The following ITPR2 variants were observed in gnomAD, a reference collection of about 807,000 sequenced individuals.
The protein encoded by ITPR2 is inositol 1,4,5-trisphosphate receptor type 2, also known as inositol 1,4,5-trisphosphate-gated calcium channel ITPR2.
Under a neutral mutation model 317.1 loss-of-function variants are expected in ITPR2, and 207 were observed. The ratio of observed to expected loss-of-function variants is 0.65; its 90% CI spans 0.58 to 0.73. The LOEUF (loss-of-function observed/expected upper bound fraction) is 0.73. ITPR2 is among the 30% of genes least tolerant of loss of function. The pLI, the probability that ITPR2 is intolerant of heterozygous loss-of-function variation, is 0.00. For synonymous variants in ITPR2, 1,156 were observed against 1,149.1 expected, an observed-to-expected ratio of 1.01 and a Z score of -0.12; for missense variants, 2,613 against 3,284.0, an observed-to-expected ratio of 0.80 and a Z score of 4.99.
intron 52 of ITPR2, chr12:26,406,667 G>C (rs1940364389): frequency 6.6e-6 from 1 of 151,986 alleles, no homozygotes; most frequent in Non-Finnish European, 1.5e-5. Context: ...ATGCACACTA[G>C]GGTTTGCAAG....
chr12:26,678,596 A>C (rs1260927329), intron 13 of ITPR2, among the ~76,000 whole-genome samples: 1 of 152,204 alleles, frequency 6.6e-6, no homozygotes, highest in East Asian at 1.9e-4. Context: ...AATAAGCTCT[A>C]CCTTACTGAC....
chr12:26,795,463 A>G (rs1009358107), intron 1 of ITPR2, among the ~76,000 whole-genome samples: 10 of 151,972 alleles, frequency 6.6e-5, no homozygotes, highest in African/African-American at 2.4e-4. Context: ...GACAATATAG[A>G]CAATATAAAG....
At chr12:26,800,596 T>C (rs1167461073) in intron 1 of ITPR2, among the ~76,000 whole-genome samples, 1 of 152,102 alleles carries the variant, frequency 6.6e-6, no homozygotes, top group Non-Finnish European at 1.5e-5. Context: ...GACCCTATCA[T>C]TTTAAAAAAT....
chr12:26,669,656 G>C (rs918257098), intron 13 of ITPR2, among the ~76,000 whole-genome samples: 3 of 152,228 alleles, frequency 2.0e-5, no homozygotes, highest in African/African-American at 7.2e-5. Context: ...TCCATCTGAG[G>C]TACCGGGTTC....
Position 26,539,965 on chromosome 12 carries a change from T to A in ITPR2, c.5073+10282A>T, listed in dbSNP as rs79905752. Reference sequence around the variant, plus strand: ...TGTCAATCTGTCCCTCTGCAAACATTTATTGAGTAGCAACTAAGTGCAGGG... The same window carrying A: ...TGTCAATCTGTCCCTCTGCAAACATATATTGAGTAGCAACTAAGTGCAGGG... On this transcript the variant is annotated intron_variant, in intron 37 of 56. Coordinates refer to ENST00000381340, the MANE Select transcript of ITPR2 (RefSeq NM_002223.4). Among the ~76,000 whole-genome samples the A allele has an allele frequency of 5.5e-3, 839 of 152,338 alleles. 9 individuals carry two copies. The highest frequency in any genetic ancestry group is 0.019 in the African/African-American group (798 of 41,580).
In ITPR2 at chr12:26,415,300, T is replaced by C. The variant is rs1268533212; in HGVS notation, c.7306+3A>G. On this transcript the variant is annotated splice_donor_region_variant and intron_variant, in intron 51 of 56. Transcript: ENST00000381340. ...AAACCTCATTTAGTGGTAATAGCAA[T>C]ACCTGTAACAGGAGTTCGGTTTTTC... is the stretch of plus-strand genomic sequence containing the variant. 3 of 1,592,568 alleles carry C rather than the reference T, an allele frequency of 1.9e-6. No individual in the cohort carries two copies. The highest frequency in any genetic ancestry group is 4.5e-5 in the East Asian group (2 of 44,348).
chr12:26,535,900 G>A (rs970730509), intron 37 of ITPR2, among the ~76,000 whole-genome samples: 1 of 152,188 alleles, frequency 6.6e-6, no homozygotes, highest in African/African-American at 2.4e-5. Context: ...AGATTTCAAA[G>A]ATTAATATTT....
At chr12:26,655,996 G>T in intron 19 of ITPR2, 144 bp from the exon 20 acceptor site, 1 of 815,214 alleles carries the variant, frequency 1.2e-6, no homozygotes, top group Non-Finnish European at 1.9e-6. Context: ...GTAAAATGGG[G>T]CTATTGTGAA....
Position 26,665,959 on chromosome 12 carries a change from G to A in ITPR2, c.1502C>T (p.Pro501Leu). The A allele has an allele frequency of 6.2e-7, 1 of 1,613,690 alleles. No homozygotes were observed. Among genetic ancestry groups the A allele is most frequent in the Non-Finnish European group, 8.5e-7 (1 of 1,179,842 alleles). ...CATCAATTTTTGACGCTCTCGGTTTGGCTTAGTGATAACCACATCCAGAAC... is the reference window on the plus strand; with the variant it reads ...CATCAATTTTTGACGCTCTCGGTTTAGCTTAGTGATAACCACATCCAGAAC... The part of the protein sequence containing the change: ...QEVLDVVITK[P>L]NRERQKLMRE... The change falls in exon 14 of 57, where the codon CCA (proline) becomes CTA (leucine). Residue 501 changes from proline to leucine, a missense_variant. By Grantham distance (98) the Pro-to-Leu change is moderately conservative. Around this residue, in one of 9 missense-constraint regions of ITPR2, gnomAD observed 515 missense variants for 789.4 expected, o/e 0.65. Coordinates refer to ENST00000381340, the MANE Select transcript of ITPR2 (RefSeq NM_002223.4).
At chr12:26,780,523 G>T (rs1191583109) in intron 2 of ITPR2, among the ~76,000 whole-genome samples, 1 of 152,152 alleles carries the variant, frequency 6.6e-6, no homozygotes, top group Non-Finnish European at 1.5e-5. Context: ...GAATTTACTG[G>T]ACTTACCATG....
intron 1 of ITPR2, among the ~76,000 whole-genome samples, chr12:26,808,887 T>C (rs553692288): frequency 1.3e-4 from 20 of 152,354 alleles, no homozygotes; most frequent in African/African-American, 4.6e-4. Context: ...ACAGAAATAC[T>C]ACACGCCTTT....
chr12:26,651,320 C>T (rs1265746956), intron 21 of ITPR2, among the ~76,000 whole-genome samples: 1 of 152,170 alleles, frequency 6.6e-6, no homozygotes, highest in Non-Finnish European at 1.5e-5. Context: ...TCATTGTTCT[C>T]CTGCCTTTCT....
At chr12:26,476,224 C>T (rs925513351) in intron 44 of ITPR2, among the ~76,000 whole-genome samples, 1 of 152,208 alleles carries the variant, frequency 6.6e-6, no homozygotes, top group African/African-American at 2.4e-5. Flanking sequence ...GCCAGACTTT[C>T]GTAGGAGTTG....
intron 2 of ITPR2, among the ~76,000 whole-genome samples, chr12:26,759,078 C>T (rs903108313): frequency 5.9e-5 from 9 of 152,072 alleles, no homozygotes; most frequent in African/African-American, 9.7e-5. Context: ...GTACCTAACA[C>T]ATAAAAAGTG....
At chr12:26,492,160 G>C (rs1942822402) in intron 39 of ITPR2, among the ~76,000 whole-genome samples, 1 of 152,082 alleles carries the variant, frequency 6.6e-6, no homozygotes, top group Non-Finnish European at 1.5e-5. Context: ...AGGCAGAAAA[G>C]GTTTCAAGAA....
chr12:26,445,894 T>C (rs1433622262), intron 45 of ITPR2, among the ~76,000 whole-genome samples: 1 of 152,024 alleles, frequency 6.6e-6, no homozygotes, highest in Non-Finnish European at 1.5e-5. Context: ...ATAGTGTTTG[T>C]TTGGTTTTGA....
chr12:26,639,898 CT>C (rs762139069), intron 21 of ITPR2, among the ~76,000 whole-genome samples: 10 of 152,072 alleles, frequency 6.6e-5, no homozygotes, highest in Non-Finnish European at 1.3e-4. Flanking sequence ...GGTTCCAAGT[CT>C]TTGCTACTGT....
chr12:26,597,361 G>C (rs2136729623), intron 30 of ITPR2, among the ~76,000 whole-genome samples: 1 of 152,344 alleles, frequency 6.6e-6, no homozygotes, highest in East Asian at 1.9e-4. Flanking sequence ...GGAAGCAGCA[G>C]ATAGGGCAAG....
At chr12:26,661,177 C>G (rs966970230) in intron 15 of ITPR2, among the ~76,000 whole-genome samples, 1 of 150,702 alleles carries the variant, frequency 6.6e-6, no homozygotes, top group Non-Finnish European at 1.5e-5. Context: ...ATCATCTATG[C>G]TCTAACTCTA....
Sources: gnomAD v4.1 joint callset for allele counts (sites outside exome capture counted in the v4.1 genomes callset) on GRCh38, gnomAD v4.1.1 for gene constraint, gnomAD v4.1.1 regional missense constraint, MANE v1.5 for transcripts, NCBI Gene and HGNC (gene_info 2026-07-23, HGNC 2026-07-21) for gene names.